The following TAPT1 variants were observed in gnomAD, a reference collection of about 807,000 sequenced individuals.
The protein encoded by TAPT1 is transmembrane anterior posterior transformation 1, also known as transmembrane anterior posterior transformation protein 1 homolog.
TAPT1 carries 28 observed loss-of-function variants against 65.6 expected under a neutral mutation model. The ratio of observed to expected loss-of-function variants is 0.43; its 90% CI spans 0.32 to 0.59. TAPT1 has a LOEUF of 0.59. Ranked by LOEUF, TAPT1 falls within the 20% of genes least tolerant of loss-of-function variation. TAPT1 has a pLI of 0.09. For synonymous variants in TAPT1, 278 were observed against 245.2 expected (o/e 1.13, Z -1.25); for missense variants, 563 against 679.9 (o/e 0.83, Z 1.91).
intron 3 of TAPT1, among the ~76,000 whole-genome samples, chr4:16,200,193 T>C (rs1379154865): frequency 6.6e-6 from 1 of 152,218 alleles, no homozygotes; most frequent in Non-Finnish European, 1.5e-5. Context: ...ACTAAGAACA[T>C]GACATGTCTT....
chr4:16,197,044 G>A (rs1749748669), intron 3 of TAPT1, among the ~76,000 whole-genome samples: 1 of 152,074 alleles, frequency 6.6e-6, no homozygotes, highest in Admixed American at 6.6e-5. Context: ...GGTTAATCTT[G>A]GGCAGAACTA....
chr4:16,202,184 G>T (rs569337572), intron 3 of TAPT1, among the ~76,000 whole-genome samples: 1 of 152,142 alleles, frequency 6.6e-6, no homozygotes, highest in South Asian at 2.1e-4. Flanking sequence ...TCAGACCCGG[G>T]TCCTTTCTAC....
chr4:16,225,910 T>C, intron 1 of TAPT1: 2 of 987,404 alleles, frequency 2.0e-6, no homozygotes, highest in Non-Finnish European at 2.4e-6. Flanking sequence ...AGCCGTGTGC[T>C]TCTCACGTTT....
Position 16,186,855 on chromosome 4 carries a change from C to T in TAPT1, c.772G>A (p.Val258Ile). 6.2e-7 allele frequency: 1 copy of T among 1,611,046 alleles called. No individual in the cohort carries two copies. Among genetic ancestry groups the T allele is most frequent in the Non-Finnish European group, 8.5e-7 (1 of 1,178,122 alleles). The change falls in exon 6 of 14, where the codon GTT (valine) becomes ATT (isoleucine). Residue 258 changes from valine (V) to isoleucine (I), a missense_variant. Val to Ile is a conservative substitution (Grantham distance 29). This residue lies in a region of TAPT1 where 217 missense variants were observed against 317.5 expected (regional missense o/e 0.68). Transcript: ENST00000405303. ...YVFLHAILIM[V>I]QATTLNVAFN... ...GCTACATTGAGAGTTGTTGCTTGAA[C>T]CATTATAAGAATTGCATGCAAAACT... is the stretch of plus-strand genomic sequence containing the variant.
chr4:16,181,808 T>G (rs1007260888), intron 7 of TAPT1, among the ~76,000 whole-genome samples: 1 of 152,252 alleles, frequency 6.6e-6, no homozygotes, highest in African/African-American at 2.4e-5. Context: ...TCTCAGGTGA[T>G]CCGCCCATCT....
intron 3 of TAPT1, among the ~76,000 whole-genome samples, chr4:16,198,291 C>T (rs972967513): frequency 6.6e-6 from 1 of 152,188 alleles, no homozygotes. Context: ...TAAAAAGCTT[C>T]TCACAAATGC....
chr4:16,166,590 T>C (rs780609955), intron 13 of TAPT1, 43 bp downstream of exon 13: 2 of 1,601,346 alleles, frequency 1.2e-6, no homozygotes, highest in Non-Finnish European at 1.7e-6. Flanking sequence ...GATTTAACTC[T>C]TTGAAAATGA....
chr4:16,191,301 ACTGAAGACTTGAAG>A lies in TAPT1; in HGVS notation c.612+46_612+59del, dbSNP rs1197956631. 9.3e-6 allele frequency: 14 copies of A among 1,512,298 alleles called. No homozygotes were observed. The Admixed American group carries it at 2.7e-4, about 29-fold the overall frequency. The allele number at this position is 1,512,298 out of a possible 1,614,324, so 93.7% of individuals were successfully genotyped here. A position where few individuals can be genotyped will look rare whatever the true frequency, so the allele number is the denominator to read the frequency against. ...TTCTTGACTCTCAGGTACCTTCAGA[ACTGAAGACTTGAAG>A]CTGAGTGCCCTGGCCAGGCCTGTGC... On this transcript the variant is annotated intron_variant, in intron 4 of 13. Transcript: ENST00000405303.
chr4:16,183,347 C>A (rs939038650), intron 7 of TAPT1, among the ~76,000 whole-genome samples: 1 of 151,938 alleles, frequency 6.6e-6, no homozygotes, highest in African/African-American at 2.4e-5. Flanking sequence ...CATTTTAAGC[C>A]AAAATAAAGT....
chr4:16,164,980 C>G (rs1395092835), intron 13 of TAPT1, among the ~76,000 whole-genome samples: 1 of 152,218 alleles, frequency 6.6e-6, no homozygotes, highest in Non-Finnish European at 1.5e-5. Context: ...CTCCCTCTTT[C>G]TGAAGCACAC....
upstream of TAPT1, chr4:16,226,810 A>G (rs1424633358): frequency 2.5e-5 from 4 of 161,888 alleles, no homozygotes; most frequent in Non-Finnish European, 5.2e-5. Flanking sequence ...GGGACCCGGC[A>G]GGAGCGGGCC....
At chr4:16,191,219 C>G in intron 4 of TAPT1, 142 bp downstream of exon 4, 1 of 801,590 alleles carries the variant, frequency 1.2e-6, no homozygotes, top group South Asian at 2.6e-5. Flanking sequence ...AGAAGAGCCC[C>G]CAAGTGATGA....
At chr4:16,194,689 C>T (rs1749583997) in intron 3 of TAPT1, among the ~76,000 whole-genome samples, 1 of 152,050 alleles carries the variant, frequency 6.6e-6, no homozygotes, top group Admixed American at 6.6e-5. Context: ...ACGATATACA[C>T]ATATTGAATT....
At chr4:16,174,353 A>C in intron 10 of TAPT1, 81 bp from the exon 11 acceptor site, 7 of 1,247,068 alleles carry the variant, frequency 5.6e-6, no homozygotes, top group Non-Finnish European at 7.9e-6. Context: ...TATTACCAGC[A>C]AATGTTCTAA....
At position 16,186,769 on chromosome 4, in the gene TAPT1, T is replaced by C; in HGVS notation, c.846+12A>G. On this transcript the variant is annotated intron_variant, in intron 6 of 13. Transcript: ENST00000405303. Reference sequence around the variant, plus strand: ...TATAACTTCAAAAATGTAAGATAAATCTCATACTTACATTATTAGACATCA... The same window carrying C: ...TATAACTTCAAAAATGTAAGATAAACCTCATACTTACATTATTAGACATCA... 6.4e-7 allele frequency: 1 copy of C among 1,551,204 alleles called. No homozygotes were observed. The highest frequency in any genetic ancestry group is 1.1e-5 in the South Asian group (1 of 88,878).
chr4:16,206,177 G>A (rs1750331979), intron 2 of TAPT1, among the ~76,000 whole-genome samples: 2 of 152,134 alleles, frequency 1.3e-5, no homozygotes, highest in South Asian at 4.1e-4. Context: ...CTAGGAGATG[G>A]CCAACAAAGG....
Position 16,174,276 on chromosome 4 carries a change from A to C in TAPT1, c.1168-4T>G. 1 of 1,599,648 alleles carries C rather than the reference A, an allele frequency of 6.3e-7. No individual in the cohort carries two copies. Among genetic ancestry groups the C allele is most frequent in the Non-Finnish European group, 8.5e-7 (1 of 1,173,340 alleles). ...AGTCACTGTAATCAGTGTATGCCTG[A>C]ACAGAGAAAGAAGCAAAAGATTCAG... is the stretch of plus-strand genomic sequence containing the variant. On this transcript the variant is annotated splice_region_variant and splice_polypyrimidine_tract_variant and intron_variant, in intron 10 of 13. Coordinates refer to ENST00000405303, the MANE Select transcript of TAPT1 (RefSeq NM_153365.3).
At chr4:16,168,124 T>TG (rs1235748545) in intron 12 of TAPT1, among the ~76,000 whole-genome samples, 1 of 151,752 alleles carries the variant, frequency 6.6e-6, no homozygotes, top group African/African-American at 2.4e-5. Context: ...GGTTTTCTTT[T>TG]TTTTTTTAAG....
intron 9 of TAPT1, among the ~76,000 whole-genome samples, chr4:16,175,706 T>C (rs1346008934): frequency 6.6e-6 from 1 of 152,160 alleles, no homozygotes; most frequent in Non-Finnish European, 1.5e-5. Flanking sequence ...TCTCGTCTTC[T>C]AAAACTTAGC....
Sources: gnomAD v4.1 joint callset for allele counts (sites outside exome capture counted in the v4.1 genomes callset) on GRCh38, gnomAD v4.1.1 for gene constraint, gnomAD v4.1.1 regional missense constraint, MANE v1.5 for transcripts, NCBI Gene and HGNC (gene_info 2026-07-23, HGNC 2026-07-21) for gene names.